The following ARHGAP8 variants were observed in gnomAD, a reference collection of about 807,000 sequenced individuals.
ARHGAP8 encodes the protein Rho GTPase activating protein 8.
Under a neutral mutation model 46.1 loss-of-function variants are expected in ARHGAP8, and 62 were observed. The observed-to-expected ratio is 1.34, with a 90% confidence interval of 1.10 to 1.66. The LOEUF is 1.66. ARHGAP8 is among the 40% of genes most tolerant of loss of function. ARHGAP8 has a pLI of 0.00. For synonymous variants in ARHGAP8, 375 were observed against 243.1 expected (o/e 1.54, Z -5.05); for missense variants, 923 against 568.4 (o/e 1.62, Z -6.34).
intron 2 of ARHGAP8, among the ~76,000 whole-genome samples, chr22:44,793,632 C>T (rs920529800): frequency 6.6e-6 from 1 of 152,144 alleles, no homozygotes; most frequent in Non-Finnish European, 1.5e-5. Context: ...GATGACTCGC[C>T]CCACGCACCC....
chr22:44,767,730 G>A (rs573726263), intron 1 of ARHGAP8, among the ~76,000 whole-genome samples: 7 of 151,524 alleles, frequency 4.6e-5, no homozygotes, highest in East Asian at 2.0e-4. Flanking sequence ...AAAATTAGCC[G>A]GGCGCAGAGG....
At chr22:44,809,103 G>A (rs1009232408) in intron 4 of ARHGAP8, 2 of 470,486 alleles carry the variant, frequency 4.3e-6, no homozygotes, top group South Asian at 3.1e-5. Context: ...TTACAGGCAG[G>A]AGCCACCATG....
At chr22:44,756,470 T>C (rs949688032) in intron 1 of ARHGAP8, among the ~76,000 whole-genome samples, 1 of 152,124 alleles carries the variant, frequency 6.6e-6, no homozygotes, top group African/African-American at 2.4e-5. Flanking sequence ...TTCAGTTCTT[T>C]TTATTTGTGG....
chr22:44,826,974 G>GCCCTCATTCCCAGAA (rs1602232201), intron 7 of ARHGAP8, among the ~76,000 whole-genome samples: 1 of 152,200 alleles, frequency 6.6e-6, no homozygotes, highest in African/African-American at 2.4e-5. Flanking sequence ...CGAAGTCCAT[G>GCCCTCATTCCCAGAA]CCCTCATTCC....
intron 2 of ARHGAP8, among the ~76,000 whole-genome samples, chr22:44,791,264 C>T (rs1927664420): frequency 6.6e-6 from 1 of 152,110 alleles, no homozygotes; most frequent in African/African-American, 2.4e-5. Flanking sequence ...GGTGTGTGCT[C>T]CTCCCGGGGA....
At chr22:44,778,660 C>T (rs538869709) in intron 1 of ARHGAP8, among the ~76,000 whole-genome samples, 2 of 152,272 alleles carry the variant, frequency 1.3e-5, no homozygotes, top group South Asian at 4.2e-4. Context: ...TAGAAGTGTT[C>T]CCTGTTCACC....
chr22:44,786,532 C>T lies in ARHGAP8; in HGVS notation c.5C>T (p.Ala2Val). 1 of 1,613,286 alleles carries T rather than the reference C, an allele frequency of 6.2e-7. No homozygotes were observed. The highest frequency in any genetic ancestry group is 8.5e-7 in the Non-Finnish European group (1 of 1,179,710). M[A>V]GQDPALSTSH... is the part of the protein sequence containing the mutation. The stretch of plus-strand genomic sequence containing the variant: ...AAGAGGCCCTCGGTGGTGCCCATGG[C>T]TGGCCAGGATCCTGCGCTGAGCACG... Residue 2 changes from alanine (A) to valine (V), a missense_variant, in exon 2 of 12, where the codon GCT becomes GTT. By Grantham distance (64) the Ala-to-Val change is moderately conservative. Transcript: ENST00000356099.
At chr22:44,773,740 A>T (rs968046904) in intron 1 of ARHGAP8, among the ~76,000 whole-genome samples, 1 of 152,078 alleles carries the variant, frequency 6.6e-6, no homozygotes, top group Non-Finnish European at 1.5e-5. Context: ...ACACCACCAC[A>T]TGTAGCTAAT....
intron 7 of ARHGAP8, among the ~76,000 whole-genome samples, chr22:44,826,366 G>T (rs1271378875): frequency 6.6e-6 from 1 of 152,126 alleles, no homozygotes; most frequent in Non-Finnish European, 1.5e-5. Context: ...CCCTTTATCA[G>T]CCACATGACC....
At position 44,848,038 on chromosome 22, in the gene ARHGAP8, C is replaced by T; in HGVS notation, c.736C>T (p.Leu246Phe). 1.2e-6 allele frequency: 2 copies of T among 1,607,068 alleles called. No homozygotes were observed. The highest frequency in any genetic ancestry group is 8.5e-7 in the Non-Finnish European group (1 of 1,179,946). ...GCAGACCGTCCGCGAGATCCAGAGG[C>T]TCTACAACCAAGGTGAGGGTGTCCC... ...SVQTVREIQR[L>F]YNQGKPVNFD... The change falls in exon 9 of 12, where the codon CTC becomes TTC. Residue 246 changes from leucine to phenylalanine, a missense_variant. Leu to Phe is a conservative substitution (Grantham distance 22). Transcript: ENST00000356099.
intron 2 of ARHGAP8, among the ~76,000 whole-genome samples, chr22:44,798,249 T>G (rs529574073): frequency 6.6e-6 from 1 of 152,172 alleles, no homozygotes; most frequent in Admixed American, 6.5e-5. Flanking sequence ...GTGCTGGAAT[T>G]ACATGAGTGA....
intron 1 of ARHGAP8, among the ~76,000 whole-genome samples, chr22:44,775,364 G>C (rs1411234645): frequency 6.6e-6 from 1 of 152,180 alleles, no homozygotes; most frequent in African/African-American, 2.4e-5. Flanking sequence ...CTCCTGGGTG[G>C]TAGCTTGGCC....
At chr22:44,850,148 ACT>A (rs1301751708) in intron 10 of ARHGAP8, 1 of 152,070 alleles carries the variant, frequency 6.6e-6, no homozygotes, top group East Asian at 1.9e-4. Context: ...TGGACCCCAA[ACT>A]CCCCTCAAAG....
At chr22:44,779,108 T>C (rs1926637912) in intron 1 of ARHGAP8, among the ~76,000 whole-genome samples, 1 of 151,030 alleles carries the variant, frequency 6.6e-6, no homozygotes, top group South Asian at 2.1e-4. Context: ...TTTTTTTTTT[T>C]TTTTTTTTTG....
chr22:44,820,171 C>T (rs937248743), intron 5 of ARHGAP8, among the ~76,000 whole-genome samples: 6 of 152,260 alleles, frequency 3.9e-5, no homozygotes, highest in South Asian at 2.1e-4. Flanking sequence ...TGCCGCACGC[C>T]GTGTTGGGAG....
chr22:44,797,247 T>G lies in ARHGAP8; in HGVS notation c.80-4830T>G, dbSNP rs142346174. 7.0e-3 allele frequency among the ~76,000 whole-genome samples: 1,058 copies of G among 151,068 alleles called. 9 individuals are homozygous for G. Among genetic ancestry groups the G allele is most frequent in the African/African-American group, 0.025 (1,005 of 40,808 alleles). ...TTTTTTTTTTTTTTAATCCTGATGT[T>G]ATCTTTCTCTTTCAACCCTAAAGGC... On this transcript the variant is annotated intron_variant, in intron 2 of 11. Transcript: ENST00000356099.
At chr22:44,835,070 A>T (rs1004538316) in intron 7 of ARHGAP8, among the ~76,000 whole-genome samples, 1 of 152,060 alleles carries the variant, frequency 6.6e-6, no homozygotes, top group Non-Finnish European at 1.5e-5. Flanking sequence ...TTATTAGATT[A>T]TTTAATCCAT....
intron 7 of ARHGAP8, among the ~76,000 whole-genome samples, chr22:44,838,683 G>T (rs966425049): frequency 2.0e-5 from 3 of 152,218 alleles, no homozygotes; most frequent in African/African-American, 4.8e-5. Flanking sequence ...GTAGGACTCA[G>T]TGGGTCTCCC....
intron 10 of ARHGAP8, among the ~76,000 whole-genome samples, chr22:44,852,133 A>T (rs1438923859): frequency 1.5e-5 from 2 of 132,954 alleles, no homozygotes; most frequent in East Asian, 5.2e-4. Context: ...CAGAGGTTGT[A>T]GTGAGCCGAG....
Sources: gnomAD v4.1 joint callset for allele counts (sites outside exome capture counted in the v4.1 genomes callset) on GRCh38, gnomAD v4.1.1 for gene constraint, MANE v1.5 for transcripts, NCBI Gene and HGNC (gene_info 2026-07-23, HGNC 2026-07-21) for gene names.